Variants in NFKBIB observed in about 807,000 individuals in gnomAD.
NFKBIB encodes NFKB inhibitor beta.
A neutral mutation model predicts 32.1 loss-of-function variants in NFKBIB; 16 were observed. The ratio of observed to expected loss-of-function variants is 0.50; its 90% CI spans 0.34 to 0.76. The LOEUF is 0.76. Ranked by LOEUF, NFKBIB falls within the 30% of genes least tolerant of loss-of-function variation. NFKBIB has a pLI of 0.01. For missense variants in NFKBIB, 437 were observed against 514.9 expected (o/e 0.85, Z 1.46); for synonymous variants, 222 against 219.5 (o/e 1.01, Z -0.10).
At chr19:38,908,298 T>C (rs776087738) in intron 5 of NFKBIB, 436 of 985,570 alleles carry the variant, frequency 4.4e-4, no homozygotes, top group Non-Finnish European at 5.0e-4. Flanking sequence ...CCCAGCACTT[T>C]GGGAGGCCGA....
In NFKBIB at chr19:38,908,637, C is replaced by T. The variant is rs3136646; in HGVS notation, c.970-94C>T. On this transcript the variant is annotated intron_variant, in intron 5 of 5. Transcript: ENST00000313582. ...GAGCAGGGGAACTTGGGCTTTGAGGCGAGACCTAATTCTTAGGGTGCTCTA... is the reference window on the plus strand; with the variant it reads ...GAGCAGGGGAACTTGGGCTTTGAGGTGAGACCTAATTCTTAGGGTGCTCTA... 0.23 allele frequency: 327,796 copies of T among 1,442,270 alleles called. 39,023 individuals carry two copies. The highest frequency in any genetic ancestry group is 0.32 in the South Asian group (20,588 of 63,758). The allele number at this position is 1,442,270 out of a possible 1,614,324, so 89.3% of individuals were successfully genotyped here. A position where few individuals can be genotyped will look rare whatever the true frequency, so the allele number is the denominator to read the frequency against.
intron 1 of NFKBIB, among the ~76,000 whole-genome samples, chr19:38,903,003 A>G (rs1022823739): frequency 6.6e-6 from 1 of 152,062 alleles, no homozygotes; most frequent in South Asian, 2.1e-4. Flanking sequence ...CGGGAGGCGG[A>G]GGTTGCAGTG....
chr19:38,906,131 CTTTTTTTTTTTT>C (rs11300670), intron 3 of NFKBIB, among the ~76,000 whole-genome samples: 1 of 97,374 alleles, frequency 1.0e-5, no homozygotes, highest in South Asian at 3.4e-4. Flanking sequence ...TACTTGGTAC[CTTTTTTTTTTTT>C]TTTTTTTTTT....
Position 38,907,639 on chromosome 19 carries a change from AGCGACAGCG to A in NFKBIB, c.951_959del (p.Ser317_Gly320delinsArg), listed in dbSNP as rs1277725648. 6.2e-7 allele frequency: 1 copy of A among 1,607,954 alleles called. No individual in the cohort carries two copies. Among genetic ancestry groups the A allele is most frequent in the Non-Finnish European group, 8.5e-7 (1 of 1,177,874 alleles). The stretch of plus-strand genomic sequence containing the variant: ...CGGCCCCTGCAGCAGCAGTAGCGAC[AGCGACAGCG>A]GAGACGAGGGCGTGAGTCAGGAGGA... On this transcript the variant is annotated inframe_deletion, in exon 5 of 6. Transcript: ENST00000313582.
chr19:38,900,858 T>A (rs528928638), intron 1 of NFKBIB, among the ~76,000 whole-genome samples: 2 of 152,302 alleles, frequency 1.3e-5, no homozygotes, highest in East Asian at 3.9e-4. Context: ...ACTTAAGCCC[T>A]TGTGGAGCAT....
In NFKBIB at chr19:38,905,578, C is replaced by A. The variant is rs774302544; in HGVS notation, c.619+43C>A. On this transcript the variant is annotated intron_variant, in intron 3 of 5. Coordinates refer to ENST00000313582, the MANE Select transcript of NFKBIB (RefSeq NM_002503.5). The surrounding 1 kb of genome is among the most constrained non-coding windows in gnomAD (Gnocchi z 5.5). ...GGAAGGACTCAGCTCCTGGGCTAGGCGAGAGCACCTGGCCCTGGGCTCAGC... is the reference window on the plus strand; with the variant it reads ...GGAAGGACTCAGCTCCTGGGCTAGGAGAGAGCACCTGGCCCTGGGCTCAGC... The A allele has an allele frequency of 6.8e-7, 1 of 1,476,822 alleles. No homozygotes were observed. The highest frequency in any genetic ancestry group is 2.3e-5 in the East Asian group (1 of 43,862). 91.5% of individuals were successfully genotyped at this position (1,476,822 alleles called of 1,614,324 possible). A position where few individuals can be genotyped will look rare whatever the true frequency, so the allele number is the denominator to read the frequency against.
At chr19:38,900,267 A>G (rs2144718403) in intron 1 of NFKBIB, 56 bp downstream of exon 1, 2 of 1,503,710 alleles carry the variant, frequency 1.3e-6, no homozygotes, top group East Asian at 2.4e-5. Context: ...CACATTCCTC[A>G]TTAATCTCTG....
intron 1 of NFKBIB, among the ~76,000 whole-genome samples, chr19:38,901,384 C>T (rs953283797): frequency 6.6e-6 from 1 of 152,092 alleles, no homozygotes; most frequent in Admixed American, 6.6e-5. Context: ...TAGCCACAAC[C>T]TCCTGGCTCA....
intron 3 of NFKBIB, among the ~76,000 whole-genome samples, chr19:38,906,082 A>G (rs1159542447): frequency 6.7e-6 from 1 of 149,538 alleles, no homozygotes; most frequent in African/African-American, 2.5e-5. Flanking sequence ...CCCAGTGTTC[A>G]GGGCCTGCCT....
chr19:38,899,832 G>C, upstream of NFKBIB: 1 of 705,336 alleles, frequency 1.4e-6, no homozygotes, highest in Non-Finnish European at 2.3e-6. Flanking sequence ...TGTGGGAACG[G>C]CTAGAGAGTT....
At position 38,905,196 on chromosome 19, in the gene NFKBIB, C is replaced by T. The variant is rs200550654; in HGVS notation, c.286-6C>T. On this transcript the variant is annotated splice_region_variant and splice_polypyrimidine_tract_variant and intron_variant, in intron 2 of 5. Coordinates refer to ENST00000313582, the MANE Select transcript of NFKBIB (RefSeq NM_002503.5). This position sits in a 1 kb window ranked among gnomAD's most constrained non-coding sequence, Gnocchi z 5.5. ...ACTCCCTACCGCCTGTCCTCTGCTTCTGCAGACAGCCCTGCACCTGGCAGC... is the reference window on the plus strand; with the variant it reads ...ACTCCCTACCGCCTGTCCTCTGCTTTTGCAGACAGCCCTGCACCTGGCAGC... 4.5e-5 allele frequency: 72 copies of T among 1,601,180 alleles called. No individual in the cohort carries two copies. The highest frequency in any genetic ancestry group is 5.5e-5 in the Non-Finnish European group (64 of 1,173,376).
Position 38,907,653 on chromosome 19 carries a change from C to A in NFKBIB, c.963C>A (p.Asp321Glu). The change falls in exon 5 of 6, where the codon GAC becomes GAA. Residue 321 changes from aspartate (D) to glutamate (E), a missense_variant. Coordinates refer to ENST00000313582, the MANE Select transcript of NFKBIB (RefSeq NM_002503.5). ...CSSSSDSDSG[D>E]EGDEYDDIVV... ...GCAGTAGCGACAGCGACAGCGGAGA[C>A]GAGGGCGTGAGTCAGGAGGAGAGAC... The A allele has an allele frequency of 6.2e-7, 1 of 1,602,678 alleles. No individual in the cohort carries two copies. Among genetic ancestry groups the A allele is most frequent in the Non-Finnish European group, 8.5e-7 (1 of 1,175,026 alleles).
At chr19:38,903,364 A>C (rs1206675690) in intron 1 of NFKBIB, among the ~76,000 whole-genome samples, 1 of 151,744 alleles carries the variant, frequency 6.6e-6, no homozygotes, top group Non-Finnish European at 1.5e-5. Context: ...GCTCACTGCA[A>C]CCTCCATTTC....
intron 1 of NFKBIB, among the ~76,000 whole-genome samples, chr19:38,904,741 G>A (rs1030225499): frequency 4.5e-5 from 5 of 109,958 alleles, no homozygotes; most frequent in Admixed American, 1.1e-4. Context: ...ACCGTATTTC[G>A]TCTGACTCTT....
Position 38,900,162 on chromosome 19 carries a change from C to A in NFKBIB, c.130C>A (p.Leu44Met). ...PGLGAELGPG[L>M]SWAPLVFGYV... ...GTTGGGCGCGGAGTTGGGCCCGGGG[C>A]TGTCGTGGGCTCCCCTCGTCTTCGG... Residue 44 changes from leucine to methionine, a missense_variant, in exon 1 of 6, where the codon CTG becomes ATG. By Grantham distance (15) the Leu-to-Met change is conservative. Coordinates refer to ENST00000313582, the MANE Select transcript of NFKBIB (RefSeq NM_002503.5). The A allele has an allele frequency of 6.2e-7, 1 of 1,602,050 alleles. No individual in the cohort carries two copies. Among genetic ancestry groups the A allele is most frequent in the South Asian group, 1.1e-5 (1 of 88,722 alleles).
At position 38,908,789 on chromosome 19, in the gene NFKBIB, C is replaced by T. The variant is rs1325197311; in HGVS notation, c.1028C>T (p.Thr343Ile). ...CGCAGCCAAACCCGGCTGCCTCCCA[C>T]CCCAGCCTCAAAACCTCTTCCTGAC... is the stretch of plus-strand genomic sequence containing the variant. ...SSRSQTRLPP[T>I]PASKPLPDDP... The change falls in exon 6 of 6, where the codon ACC (threonine) becomes ATC (isoleucine). Residue 343 changes from threonine (T) to isoleucine (I), a missense_variant. Physicochemically the swap from Thr to Ile is moderately conservative, Grantham distance 89. Transcript: ENST00000313582. 6.2e-7 allele frequency: 1 copy of T among 1,613,640 alleles called. No individual in the cohort carries two copies. The highest frequency in any genetic ancestry group is 8.5e-7 in the Non-Finnish European group (1 of 1,179,908).
In NFKBIB at chr19:38,905,649, TC is replaced by T; in HGVS notation, c.619+115del. 1.2e-6 allele frequency: 1 copy of T among 822,968 alleles called. No homozygotes were observed. Among genetic ancestry groups the T allele is most frequent in the Non-Finnish European group, 1.9e-6 (1 of 528,954 alleles). 51.0% of individuals were successfully genotyped at this position (822,968 alleles called of 1,614,324 possible). A position where few individuals can be genotyped will look rare whatever the true frequency, so the allele number is the denominator to read the frequency against. Reference sequence around the variant, plus strand: ...CTCCTTGGGAAATCATGCCTAGGCTTCAGGAGCCCACACATCGGGACCAGGG... The same window carrying T: ...CTCCTTGGGAAATCATGCCTAGGCTTAGGAGCCCACACATCGGGACCAGGG... On this transcript the variant is annotated intron_variant, in intron 3 of 5. Transcript: ENST00000313582. This position sits in a 1 kb window ranked among gnomAD's most constrained non-coding sequence, Gnocchi z 5.5.
chr19:38,905,104 A>G lies in NFKBIB; in HGVS notation c.269A>G (p.Gln90Arg), dbSNP rs747207859. The G allele has an allele frequency of 5.6e-6, 9 of 1,614,092 alleles. No homozygotes were observed. Among genetic ancestry groups the G allele is most frequent in the Admixed American group, 1.7e-5 (1 of 59,998 alleles). ...FSAGTEYMDL[Q>R]NDLGQTALHL... Reference sequence around the variant, plus strand: ...GCCGGCACTGAGTACATGGACCTGCAGAATGACCTAGGCCAGGTGAGCCAC... The same window carrying G: ...GCCGGCACTGAGTACATGGACCTGCGGAATGACCTAGGCCAGGTGAGCCAC... The change falls in exon 2 of 6, where the codon CAG (glutamine) becomes CGG (arginine). Residue 90 changes from glutamine to arginine, a missense_variant. Gln to Arg is a conservative substitution (Grantham distance 43). Transcript: ENST00000313582. The surrounding 1 kb of genome is among the most constrained non-coding windows in gnomAD (Gnocchi z 5.5).
At chr19:38,906,068 A>C (rs530595256) in intron 3 of NFKBIB, among the ~76,000 whole-genome samples, 2 of 150,636 alleles carry the variant, frequency 1.3e-5, no homozygotes, top group African/African-American at 4.9e-5. Context: ...GACGTCATTC[A>C]GGACCCAGTG....
Sources: gnomAD v4.1 joint callset for allele counts (sites outside exome capture counted in the v4.1 genomes callset) on GRCh38, gnomAD v4.1.1 for gene constraint, Gnocchi (gnomAD v3.1) non-coding constraint, MANE v1.5 for transcripts, NCBI Gene and HGNC (gene_info 2026-07-23, HGNC 2026-07-21) for gene names.